C5: variants seen among roughly 807,000 people sequenced by gnomAD.
The protein encoded by C5 is C3 and PZP-like alpha-2-macroglobulin domain-containing protein 4.
Under a neutral mutation model 218.8 loss-of-function variants are expected in C5, and 140 were observed. That is an observed-to-expected ratio of 0.64 (90% CI 0.56 to 0.74). C5 has a LOEUF of 0.74. Among genes scored for constraint, C5 ranks in the 30% least tolerant of loss-of-function variants. C5 has a pLI of 0.00. For synonymous variants in C5, 614 were observed against 682.3 expected (o/e 0.90, Z 1.56); for missense variants, 1,700 against 1,969.6 (o/e 0.86, Z 2.59).
chr9:120,969,321 T>TTAAC (rs1382616467), intron 32 of C5, among the ~76,000 whole-genome samples: 5 of 152,198 alleles, frequency 3.3e-5, no homozygotes, highest in African/African-American at 9.7e-5. Context: ...CTTTAAATAA[T>TTAAC]TAACAGTTCA....
intron 10 of C5, 54 bp downstream of exon 10, chr9:121,023,350 T>C (rs2047383166): frequency 3.6e-6 from 4 of 1,109,902 alleles, no homozygotes; most frequent in Non-Finnish European, 4.2e-6. Context: ...ATGTTTTCCA[T>C]GAACAGAACA....
At position 120,952,628 on chromosome 9, in the gene C5, T is replaced by G. The variant is rs141560628; in HGVS notation, c.*111A>C. On this transcript the variant is annotated 3_prime_UTR_variant, in exon 41 of 41. Coordinates refer to ENST00000223642, the MANE Select transcript of C5 (RefSeq NM_001735.3). ...GCCACTAATTCTAAGTAAAGTGAGC[T>G]TTACAAATAAGACCAGCTATGAATG... 9.6e-4 allele frequency: 1,053 copies of G among 1,094,204 alleles called. 13 individuals carry two copies. In the African/African-American group the frequency reaches 0.015, roughly 16 times the overall value. The allele number at this position is 1,094,204 out of a possible 1,614,324, so 67.8% of individuals were successfully genotyped here.
chr9:121,021,524 C>A lies in C5; in HGVS notation c.1287G>T (p.Thr429=). 1 of 1,612,930 alleles carries A rather than the reference C, an allele frequency of 6.2e-7. No individual in the cohort carries two copies. Among genetic ancestry groups the A allele is most frequent in the South Asian group, 1.1e-5 (1 of 91,050 alleles). ...TTCAGCTCACATTAAACTCCAGCAC[C>A]GTCACTCCAGATGGGAGATTAAGCA... ...SFVLNLPSGV[T]VLEFNVKTDA... The change falls in exon 11 of 41, where the codon ACG becomes ACT. Residue 429 remains threonine (T), a synonymous_variant. Coordinates refer to ENST00000223642, the MANE Select transcript of C5 (RefSeq NM_001735.3).
At chr9:121,000,388 T>C (rs1371192848) in intron 20 of C5, among the ~76,000 whole-genome samples, 11 of 152,172 alleles carry the variant, frequency 7.2e-5, no homozygotes, top group Admixed American at 7.2e-4. Context: ...AGAGAGTACT[T>C]GCCTAATAGT....
rs543665748 is a variant in C5, at chr9:121,017,085, C to G, written c.1866+277G>C. Reference sequence around the variant, plus strand: ...CTATAACTGCCATCAACACCCTACCCTAAACCTCCAAAGTATTCTGATAGT... The same window carrying G: ...CTATAACTGCCATCAACACCCTACCGTAAACCTCCAAAGTATTCTGATAGT... On this transcript the variant is annotated intron_variant, in intron 14 of 40. Transcript: ENST00000223642. Among the ~76,000 whole-genome samples the G allele has an allele frequency of 3.3e-5, 5 of 152,328 alleles. No homozygotes were observed. In the South Asian group the frequency reaches 8.3e-4, roughly 25 times the overall value.
At chr9:120,979,570 C>T (rs1029222366) in intron 28 of C5, 2 of 173,606 alleles carry the variant, frequency 1.2e-5, no homozygotes, top group African/African-American at 2.4e-5. Flanking sequence ...ACATAGGATA[C>T]TCAATGCATA....
intron 7 of C5, among the ~76,000 whole-genome samples, chr9:121,028,317 A>AACCT (rs2047442677): frequency 6.6e-6 from 1 of 152,308 alleles, no homozygotes; most frequent in Non-Finnish European, 1.5e-5. Flanking sequence ...CTAGAAATAC[A>AACCT]ATTTGACCCA....
chr9:120,986,788 T>G (rs183604915), intron 25 of C5, among the ~76,000 whole-genome samples: 1 of 152,160 alleles, frequency 6.6e-6, no homozygotes, highest in African/African-American at 2.4e-5. Flanking sequence ...TATTGTTTTA[T>G]TAAAGACAGG....
At chr9:121,042,765 G>C (rs1372643479) in intron 3 of C5, among the ~76,000 whole-genome samples, 1 of 152,126 alleles carries the variant, frequency 6.6e-6, no homozygotes, top group Non-Finnish European at 1.5e-5. Context: ...TTGGAAATAA[G>C]TGATGGGGCA....
chr9:120,960,189 T>G, intron 38 of C5, 59 bp downstream of exon 38: 1 of 1,073,978 alleles, frequency 9.3e-7, no homozygotes, highest in African/African-American at 1.5e-5. Context: ...TCTTTCTAAC[T>G]GAACACATAT....
intron 25 of C5, among the ~76,000 whole-genome samples, chr9:120,983,390 G>C (rs1024292482): frequency 1.3e-5 from 2 of 152,116 alleles, no homozygotes; most frequent in Non-Finnish European, 2.9e-5. Context: ...GAGTATCAGA[G>C]AGGATTGGGT....
intron 9 of C5, 40 bp from the exon 10 acceptor site, chr9:121,023,559 G>A (rs1420488446): frequency 8.7e-7 from 1 of 1,142,870 alleles, no homozygotes; most frequent in South Asian, 1.2e-5. Context: ...GTTTTTAGGA[G>A]TATCATGATC....
At chr9:120,996,186 C>G in intron 22 of C5, 54 bp downstream of exon 22, 1 of 1,335,926 alleles carries the variant, frequency 7.5e-7, no homozygotes, top group Non-Finnish European at 1.1e-6. Flanking sequence ...TACATACACA[C>G]TTTAACTTCT....
rs2046942346 is a variant in C5 at position 120,974,945 on chromosome 9, G to C, written c.3865-14C>G. ...ATTGATTGTGTCCTGTCAGCAATCA[G>C]CAAGGCACAAAAATATGTTTAGTTT... On this transcript the variant is annotated splice_polypyrimidine_tract_variant and intron_variant, in intron 29 of 40. Coordinates refer to ENST00000223642, the MANE Select transcript of C5 (RefSeq NM_001735.3). The C allele has an allele frequency of 6.2e-7, 1 of 1,613,970 alleles. No individual in the cohort carries two copies. Among genetic ancestry groups the C allele is most frequent in the Non-Finnish European group, 8.5e-7 (1 of 1,179,850 alleles).
chr9:121,017,226 G>T, intron 14 of C5, 136 bp downstream of exon 14: 1 of 978,698 alleles, frequency 1.0e-6, no homozygotes, highest in Non-Finnish European at 1.6e-6. Flanking sequence ...ACAGGAGGAT[G>T]GTTTACCTTC....
chr9:120,963,024 C>T (rs2046839115), intron 34 of C5, 57 bp from the exon 35 acceptor site: 3 of 1,311,786 alleles, frequency 2.3e-6, no homozygotes, highest in Admixed American at 1.7e-5. Flanking sequence ...TGTTTAAATG[C>T]ATTCACCTGT....
intron 7 of C5, among the ~76,000 whole-genome samples, chr9:121,029,123 G>C (rs1368138200): frequency 6.6e-6 from 1 of 152,152 alleles, no homozygotes; most frequent in Non-Finnish European, 1.5e-5. Context: ...TAGAATTAAA[G>C]TAAGAATAAA....
intron 17 of C5, among the ~76,000 whole-genome samples, chr9:121,010,670 T>A (rs2047254195): frequency 6.6e-6 from 1 of 152,044 alleles, no homozygotes; most frequent in South Asian, 2.1e-4. Context: ...AAGACCAGAA[T>A]AGCCAAAGCA....
chr9:121,011,100 C>A (rs1051163612), intron 17 of C5, among the ~76,000 whole-genome samples: 9 of 152,154 alleles, frequency 5.9e-5, no homozygotes, highest in Admixed American at 2.0e-4. Flanking sequence ...TACCCCACTA[C>A]ACAGACAACC....
Sources: gnomAD v4.1 joint callset for allele counts (sites outside exome capture counted in the v4.1 genomes callset) on GRCh38, gnomAD v4.1.1 for gene constraint, MANE v1.5 for transcripts, NCBI Gene and HGNC (gene_info 2026-07-23, HGNC 2026-07-21) for gene names.